The following WSB2 variants were observed in gnomAD, a reference collection of about 807,000 sequenced individuals.
The protein encoded by WSB2 is WD repeat and SOCS box-containing protein 2.
WSB2 carries 12 observed loss-of-function variants against 48.8 expected under a neutral mutation model. The ratio of observed to expected loss-of-function variants is 0.25; its 90% CI spans 0.16 to 0.40. The LOEUF is 0.40. Ranked by LOEUF, WSB2 falls within the 10% of genes least tolerant of loss-of-function variation. The pLI is 1.00. For synonymous variants in WSB2, 191 were observed against 203.1 expected (o/e 0.94, Z 0.51); for missense variants, 317 against 506.2 (o/e 0.63, Z 3.59).
In WSB2 at chr12:118,042,036, G is replaced by T. The variant is rs886929183; in HGVS notation, c.559+805C>A. Among the ~76,000 whole-genome samples the T allele has an allele frequency of 2.1e-4, 32 of 152,248 alleles. 1 individual carries two copies. The highest frequency in any genetic ancestry group is 2.0e-3 in the Admixed American group (30 of 15,282). On this transcript the variant is annotated intron_variant, in intron 4 of 8. Transcript: ENST00000315436. ...CTCCCAAAGTACTGGGATTACAGGC[G>T]TGAGCCACTGTGCCTGGCCTCTTAT...
At chr12:118,040,297 C>T (rs769107003) in intron 4 of WSB2, among the ~76,000 whole-genome samples, 7 of 152,070 alleles carry the variant, frequency 4.6e-5, no homozygotes, top group South Asian at 2.1e-4. Context: ...ACTTTATTCC[C>T]CTCCTCTCCT....
upstream of WSB2, chr12:118,062,174 A>G: frequency 6.5e-7 from 1 of 1,535,048 alleles, no homozygotes; most frequent in Non-Finnish European, 8.7e-7. Flanking sequence ...GCCTCAAGAA[A>G]TGGCTCGCTT....
At chr12:118,037,387 C>T (rs2031534503) in intron 5 of WSB2, among the ~76,000 whole-genome samples, 1 of 152,138 alleles carries the variant, frequency 6.6e-6, no homozygotes, top group Non-Finnish European at 1.5e-5. Flanking sequence ...AACCCTCAGG[C>T]CAGGCGCGGT....
chr12:118,053,406 G>T (rs1338812523), intron 1 of WSB2, among the ~76,000 whole-genome samples: 1 of 152,160 alleles, frequency 6.6e-6, no homozygotes, highest in Non-Finnish European at 1.5e-5. Context: ...ATCCCACCTA[G>T]ATTCACAACT....
chr12:118,045,272 G>A (rs185717888), intron 2 of WSB2, among the ~76,000 whole-genome samples: 4,403 of 152,026 alleles, frequency 0.029, 233 homozygotes, highest in African/African-American at 0.1. Context: ...GGCTGAGGCA[G>A]GAGAATGGCG....
chr12:118,056,208 T>G (rs1223707008), intron 1 of WSB2, among the ~76,000 whole-genome samples: 1 of 152,054 alleles, frequency 6.6e-6, no homozygotes, highest in Non-Finnish European at 1.5e-5. Context: ...GGCTTGTACT[T>G]CTCTCCCTGC....
chr12:118,046,118 T>C (rs1184422462), intron 2 of WSB2, among the ~76,000 whole-genome samples: 1 of 151,860 alleles, frequency 6.6e-6, no homozygotes, highest in African/African-American at 2.4e-5. Context: ...GACAGCGGAG[T>C]TCAACAGTCA....
At chr12:118,051,518 G>A (rs544242637) in intron 2 of WSB2, among the ~76,000 whole-genome samples, 1 of 152,210 alleles carries the variant, frequency 6.6e-6, no homozygotes, top group Non-Finnish European at 1.5e-5. Flanking sequence ...GTCAAAAAAG[G>A]CTACGTGTTG....
chr12:118,036,315 CAT>C, intron 6 of WSB2, 21 bp downstream of exon 6: 1 of 1,603,960 alleles, frequency 6.2e-7, no homozygotes, highest in Non-Finnish European at 8.5e-7. Context: ...ACAAAAAAGT[CAT>C]AGCAGGGATT....
In WSB2 at chr12:118,039,668, T is replaced by C. The variant is rs182086362; in HGVS notation, c.560-1280A>G. On this transcript the variant is annotated intron_variant, in intron 4 of 8. Transcript: ENST00000315436. ...GAAGAAAAAATAATTGTTATACGCC[T>C]GTACATGGTCATATATATGAATTTA... Among the ~76,000 whole-genome samples, 260 of 152,276 alleles carry C rather than the reference T, an allele frequency of 1.7e-3. 1 individual carries two copies. Among genetic ancestry groups the C allele is most frequent in the African/African-American group, 5.9e-3 (245 of 41,554 alleles).
Position 118,052,331 on chromosome 12 carries a change from G to A in WSB2, c.161C>T (p.Pro54Leu). The A allele has an allele frequency of 6.2e-7, 1 of 1,614,068 alleles. No homozygotes were observed. The highest frequency in any genetic ancestry group is 1.1e-5 in the South Asian group (1 of 91,082). The stretch of plus-strand genomic sequence containing the variant: ...TTACAACTGCTCCTCCAACGGCCAG[G>A]GGATCAGTTTGACGATGCAGTGTCC... ...SQGHCIVKLI[P>L]WPLEEQFIPK... The change falls in exon 2 of 9, where the codon CCC (proline) becomes CTC (leucine). Residue 54 changes from proline to leucine, a missense_variant. By Grantham distance (98) the Pro-to-Leu change is moderately conservative (BLOSUM62 -3). Around this residue, in one of 2 missense-constraint regions of WSB2, gnomAD observed 128 missense variants for 156.7 expected, o/e 0.82. Coordinates refer to ENST00000315436, the MANE Select transcript of WSB2 (RefSeq NM_018639.5).
In WSB2 at chr12:118,036,326, T is replaced by C; in HGVS notation, c.833+12A>G. 1 of 1,610,638 alleles carries C rather than the reference T, an allele frequency of 6.2e-7. No homozygotes were observed. The highest frequency in any genetic ancestry group is 1.7e-5 in the Admixed American group (1 of 59,738). On this transcript the variant is annotated intron_variant, in intron 6 of 8. Coordinates refer to ENST00000315436, the MANE Select transcript of WSB2 (RefSeq NM_018639.5). ...CCCCACAAAAAAGTCATAGCAGGGA[T>C]TCAGTCCTTACTGGAGTGACCTCAG...
Position 118,061,122 on chromosome 12 carries a change from C to T in WSB2, c.-74G>A. On this transcript the variant is annotated 5_prime_UTR_variant, in exon 1 of 9. Coordinates refer to ENST00000315436, the MANE Select transcript of WSB2 (RefSeq NM_018639.5). ...CGGGCCGCGGGCCCTCATGCCGCCCCCGCGCCGCCCGCCCCGGCCAGGCCG... is the reference window on the plus strand; with the variant it reads ...CGGGCCGCGGGCCCTCATGCCGCCCTCGCGCCGCCCGCCCCGGCCAGGCCG... 1 of 980,852 alleles carries T rather than the reference C, an allele frequency of 1.0e-6. No individual in the cohort carries two copies. The highest frequency in any genetic ancestry group is 1.2e-6 in the Non-Finnish European group (1 of 828,106). 60.8% of individuals were successfully genotyped at this position (980,852 alleles called of 1,614,324 possible). A position where few individuals can be genotyped will look rare whatever the true frequency, so the allele number is the denominator to read the frequency against.
chr12:118,061,036 C>G lies in WSB2; in HGVS notation c.13G>C (p.Glu5Gln). 3.0e-6 allele frequency: 3 copies of G among 986,886 alleles called. No homozygotes were observed. The highest frequency in any genetic ancestry group is 3.6e-6 in the Non-Finnish European group (3 of 831,638). The allele number at this position is 986,886 out of a possible 1,614,324, so 61.1% of individuals were successfully genotyped here. The change falls in exon 1 of 9, where the codon GAG (glutamate) becomes CAG (glutamine). Residue 5 changes from glutamate to glutamine, a missense_variant and splice_region_variant. Glu to Gln is a conservative substitution (Grantham distance 29). This residue lies in a region of WSB2 where 128 missense variants were observed against 156.7 expected (regional missense o/e 0.82). Coordinates refer to ENST00000315436, the MANE Select transcript of WSB2 (RefSeq NM_018639.5). ...AACGGGCGCGCCCGGCCCCACTCACCTCCGGCCTCCATGGAGGACGCGAGC... is the reference window on the plus strand; with the variant it reads ...AACGGGCGCGCCCGGCCCCACTCACGTCCGGCCTCCATGGAGGACGCGAGC... MEAG[E>Q]EPLLLAELKP...
chr12:118,044,046 T>C (rs1396195884), intron 2 of WSB2, among the ~76,000 whole-genome samples: 1 of 149,554 alleles, frequency 6.7e-6, no homozygotes, highest in Non-Finnish European at 1.5e-5. Context: ...TTGAACCCAG[T>C]GGGTGGAGGT....
In WSB2 at chr12:118,043,114, C is replaced by G; in HGVS notation, c.427+19G>C. The G allele has an allele frequency of 1.2e-6, 2 of 1,614,140 alleles. No individual in the cohort carries two copies. The highest frequency in any genetic ancestry group is 1.7e-6 in the Non-Finnish European group (2 of 1,180,002). On this transcript the variant is annotated intron_variant, in intron 3 of 8. Transcript: ENST00000315436. ...CACCCGAGCCTCCCAGAACCTTGTG[C>G]CAGCCAGGAATGACCTACCTGTCTG...
intron 1 of WSB2, among the ~76,000 whole-genome samples, chr12:118,057,985 G>C (rs1243210557): frequency 6.6e-6 from 1 of 151,534 alleles, no homozygotes; most frequent in Non-Finnish European, 1.5e-5. Context: ...GACCAAGCTG[G>C]TTTTGATCTC....
At chr12:118,048,190 A>G (rs1039724362) in intron 2 of WSB2, among the ~76,000 whole-genome samples, 3 of 151,900 alleles carry the variant, frequency 2.0e-5, no homozygotes, top group Non-Finnish European at 4.4e-5. Context: ...CTGCCTCCCA[A>G]TGTGCTGGGA....
At chr12:118,057,790 T>TG (rs1555268955) in intron 1 of WSB2, among the ~76,000 whole-genome samples, 2 of 150,644 alleles carry the variant, frequency 1.3e-5, no homozygotes, top group Non-Finnish European at 3.0e-5. Flanking sequence ...TTTTTTTTTT[T>TG]GAGACCCAGG....
Sources: gnomAD v4.1 joint callset for allele counts (sites outside exome capture counted in the v4.1 genomes callset) on GRCh38, gnomAD v4.1.1 for gene constraint, gnomAD v4.1.1 regional missense constraint, MANE v1.5 for transcripts, NCBI Gene and HGNC (gene_info 2026-07-23, HGNC 2026-07-21) for gene names.